The following CDON variants were observed in gnomAD, a reference collection of about 807,000 sequenced individuals.
The protein encoded by CDON is cell adhesion molecule-related/down-regulated by oncogenes.
A neutral mutation model predicts 120.9 loss-of-function variants in CDON; 73 were observed. The observed-to-expected ratio is 0.60, with a 90% CI of 0.50 to 0.73. The LOEUF (loss-of-function observed/expected upper bound fraction) is 0.73. CDON is among the 30% of genes least tolerant of loss of function. The pLI is 0.00. For synonymous variants in CDON, 566 were observed against 573.5 expected (o/e 0.99, Z 0.19); for missense variants, 1,470 against 1,587.3 (o/e 0.93, Z 1.26).
chr11:126,037,178 G>A (rs1948123051), intron 1 of CDON, among the ~76,000 whole-genome samples: 2 of 151,328 alleles, frequency 1.3e-5, no homozygotes, highest in Non-Finnish European at 2.9e-5. Flanking sequence ...ATGGCTCACT[G>A]CAGCCTTGAC....
At chr11:126,023,338 T>C (rs1274887538) in intron 2 of CDON, 63 bp downstream of exon 2, 3 of 1,027,222 alleles carry the variant, frequency 2.9e-6, no homozygotes, top group Non-Finnish European at 4.7e-6. Flanking sequence ...AAGTACAAAT[T>C]TATGTTTTAT....
chr11:126,054,179 T>C (rs1440498006), intron 1 of CDON, among the ~76,000 whole-genome samples: 1 of 152,208 alleles, frequency 6.6e-6, no homozygotes, highest in African/African-American at 2.4e-5. Flanking sequence ...ACTTTTATTC[T>C]GATACTGTAA....
At chr11:126,042,429 A>G (rs1948286110) in intron 1 of CDON, among the ~76,000 whole-genome samples, 1 of 152,204 alleles carries the variant, frequency 6.6e-6, no homozygotes, top group African/African-American at 2.4e-5. Context: ...AATAATTCTG[A>G]TAATCTAATC....
At chr11:125,979,133 ACAG>A (rs1306685869) in intron 17 of CDON, among the ~76,000 whole-genome samples, 1 of 152,230 alleles carries the variant, frequency 6.6e-6, no homozygotes, top group Non-Finnish European at 1.5e-5. Context: ...CAGAAGAAAA[ACAG>A]CAGAACTGAA....
chr11:125,989,899 G>A (rs965900923), intron 14 of CDON, 140 bp from the exon 15 acceptor site: 12 of 716,504 alleles, frequency 1.7e-5, no homozygotes, highest in African/African-American at 1.8e-5. Context: ...GTACTTAATA[G>A]TAAGTATTTG....
chr11:126,019,749 A>G lies in CDON; in HGVS notation c.366T>C (p.Gly122=). 6.2e-7 allele frequency: 1 copy of G among 1,612,848 alleles called. No homozygotes were observed. Among genetic ancestry groups the G allele is most frequent in the Non-Finnish European group, 8.5e-7 (1 of 1,178,924 alleles). ...TVSVAVLGDF[G]SSTKHVITAE... ...CTGTAATAACATGCTTTGTGGATGA[A>G]CCAAAATCACCAAGAACTGAAATAT... The change falls in exon 4 of 20, where the codon GGT becomes GGC. Residue 122 remains glycine (G), a synonymous_variant. Coordinates refer to ENST00000531738, the MANE Select transcript of CDON (RefSeq NM_001378964.1).
chr11:125,979,761 A>C (rs1946243918), intron 17 of CDON, among the ~76,000 whole-genome samples: 1 of 152,188 alleles, frequency 6.6e-6, no homozygotes, highest in South Asian at 2.1e-4. Flanking sequence ...TTCTTGGACA[A>C]TGGTAGTAGT....
At chr11:126,061,072 GACTAA>G (rs973762084) in intron 1 of CDON, among the ~76,000 whole-genome samples, 13 of 152,184 alleles carry the variant, frequency 8.5e-5, no homozygotes, top group East Asian at 1.9e-4. Flanking sequence ...TCTCCTGGCT[GACTAA>G]ACTATTCAAA....
intron 1 of CDON, among the ~76,000 whole-genome samples, chr11:126,024,668 G>C (rs1052122317): frequency 1.3e-5 from 2 of 152,208 alleles, no homozygotes; most frequent in African/African-American, 4.8e-5. Flanking sequence ...GTCAACAGTT[G>C]CATGTGTGAG....
At chr11:125,990,874 C>T (rs931970607) in intron 14 of CDON, among the ~76,000 whole-genome samples, 1 of 152,148 alleles carries the variant, frequency 6.6e-6, no homozygotes, top group African/African-American at 2.4e-5. Context: ...CTCTGAAAGG[C>T]TCAAAAGTGA....
At position 126,021,319 on chromosome 11, in the gene CDON, C is replaced by T; in HGVS notation, c.278G>A (p.Gly93Asp). 6.2e-7 allele frequency: 1 copy of T among 1,614,106 alleles called. No individual in the cohort carries two copies. The highest frequency in any genetic ancestry group is 1.1e-5 in the South Asian group (1 of 91,080). The stretch of plus-strand genomic sequence containing the variant: ...ATTGTTGGCAAGGCACTGGTAGTAA[C>T]CCAAAAGAGAGGAGTTGAGAGAAAG... ...TILSLNSSLL[G>D]YYQCLANNSI... Residue 93 changes from glycine (G) to aspartate (D), a missense_variant, in exon 3 of 20, where the codon GGT (glycine) becomes GAT (aspartate). Transcript: ENST00000531738.
intron 1 of CDON, among the ~76,000 whole-genome samples, chr11:126,054,623 C>T (rs551319748): frequency 3.3e-5 from 5 of 152,252 alleles, no homozygotes; most frequent in South Asian, 4.1e-4. Context: ...GTGCTCCACC[C>T]AGCTCATCAG....
In CDON at chr11:125,994,388, T is replaced by G. The variant is rs752311033; in HGVS notation, c.2546A>C (p.Tyr849Ser). ...SDTQIMLKWT[Y>S]IPSSNNNTPI... The stretch of plus-strand genomic sequence containing the variant: ...AGTGTTATTGTTACTTGATGGAATG[T>G]ACTAAAAAACAGAAGCAAAGACTTG... The change falls in exon 14 of 20, where the codon TAC becomes TCC. Residue 849 changes from tyrosine (Y) to serine (S), a missense_variant and splice_region_variant. Tyr to Ser is a moderately radical substitution (Grantham distance 144). Coordinates refer to ENST00000531738, the MANE Select transcript of CDON (RefSeq NM_001378964.1). The G allele has an allele frequency of 3.3e-6, 5 of 1,503,792 alleles. No individual in the cohort carries two copies. The highest frequency in any genetic ancestry group is 4.6e-6 in the Non-Finnish European group (5 of 1,079,538). The allele number at this position is 1,503,792 out of a possible 1,614,324, so 93.2% of individuals were successfully genotyped here.
At chr11:126,025,614 T>C (rs537363237) in intron 1 of CDON, among the ~76,000 whole-genome samples, 3 of 152,230 alleles carry the variant, frequency 2.0e-5, no homozygotes, top group African/African-American at 7.2e-5. Flanking sequence ...AACCCAGCAC[T>C]GGCAAGAATG....
In CDON at chr11:125,981,177, G is replaced by GA. The variant is rs747439816; in HGVS notation, c.3147dup (p.His1050SerfsTer3). ...TTGACTGCATTGGGGACCTTATGGT[G>GA]AAGGTGGGAATAGCCACTGCTGAGA... is the stretch of plus-strand genomic sequence containing the variant. On this transcript the variant is annotated frameshift_variant, in exon 17 of 20. Transcript: ENST00000531738. LOFTEE classifies it high-confidence loss of function. 4.3e-6 allele frequency: 7 copies of GA among 1,614,204 alleles called. No homozygotes were observed. In the South Asian group the frequency reaches 7.7e-5, roughly 18 times the overall value.
intron 1 of CDON, among the ~76,000 whole-genome samples, chr11:126,050,193 G>C (rs917045191): frequency 1.3e-5 from 2 of 149,226 alleles, no homozygotes; most frequent in East Asian, 3.9e-4. Context: ...AGAGCTTGTG[G>C]TTTAGAAATG....
At chr11:125,964,128 C>T (rs1433221567) in intron 18 of CDON, among the ~76,000 whole-genome samples, 1 of 152,192 alleles carries the variant, frequency 6.6e-6, no homozygotes, top group South Asian at 2.1e-4. Context: ...TCAGGGAACC[C>T]TCAAGTCCCC....
intron 18 of CDON, among the ~76,000 whole-genome samples, chr11:125,962,286 A>C (rs1315855633): frequency 1.3e-5 from 2 of 152,246 alleles, no homozygotes; most frequent in African/African-American, 4.8e-5. Flanking sequence ...GTCAGAAGTC[A>C]TCTACTTCAT....
intron 7 of CDON, among the ~76,000 whole-genome samples, chr11:126,012,149 C>T (rs960473405): frequency 2.0e-5 from 3 of 152,120 alleles, no homozygotes; most frequent in Non-Finnish European, 4.4e-5. Flanking sequence ...CATTCTTGGG[C>T]ATTGGGTTAT....
Sources: gnomAD v4.1 joint callset for allele counts (sites outside exome capture counted in the v4.1 genomes callset) on GRCh38, gnomAD v4.1.1 for gene constraint, MANE v1.5 for transcripts, NCBI Gene and HGNC (gene_info 2026-07-23, HGNC 2026-07-21) for gene names.